CALM2: variants seen among roughly 807,000 people sequenced by gnomAD.
CALM2 encodes calmodulin 2.
In CALM2, 2 loss-of-function variants were observed where a neutral mutation model predicts 19.8. That is an observed-to-expected ratio of 0.10 (90% confidence interval 0.04 to 0.32). The LOEUF (loss-of-function observed/expected upper bound fraction) is 0.32. Ranked by LOEUF, CALM2 falls within the 10% of genes least tolerant of loss-of-function variation. CALM2 has a pLI of 1.00. For missense variants in CALM2, 38 were observed against 178.7 expected (o/e 0.21, Z 4.49); for synonymous variants, 51 against 52.1 (o/e 0.98, Z 0.09).
chr2:47,165,069 T>C (rs1230341378), intron 2 of CALM2, among the ~76,000 whole-genome samples: 1 of 152,194 alleles, frequency 6.6e-6, no homozygotes, highest in Non-Finnish European at 1.5e-5. Flanking sequence ...CTACTACTCA[T>C]ACCAATTTCC....
At chr2:47,171,680 G>A (rs1436664439) in intron 1 of CALM2, 1 of 152,110 alleles carries the variant, frequency 6.6e-6, no homozygotes, top group Non-Finnish European at 1.5e-5. Context: ...ATACATCCAT[G>A]AAGCAACTGC....
intron 1 of CALM2, among the ~76,000 whole-genome samples, chr2:47,175,081 G>GGTTTTTT (rs1553433850): frequency 1.3e-5 from 1 of 77,964 alleles, no homozygotes. Context: ...CTCATTAGGT[G>GGTTTTTT]TTTTTTTTTT....
intron 1 of CALM2, 78 bp from the exon 2 acceptor site, chr2:47,170,842 T>C (rs1666641329): frequency 1.8e-6 from 2 of 1,141,184 alleles, no homozygotes; most frequent in African/African-American, 1.5e-5. Flanking sequence ...TTTAAAACCT[T>C]TCAAGGGTTA....
chr2:47,175,418 C>T (rs1185840003), intron 1 of CALM2, among the ~76,000 whole-genome samples: 1 of 152,188 alleles, frequency 6.6e-6, no homozygotes, highest in Non-Finnish European at 1.5e-5. Flanking sequence ...AGAAGGCAGT[C>T]ACTCCGGAGC....
intron 3 of CALM2, 26 bp downstream of exon 3, chr2:47,162,493 C>T: frequency 6.2e-7 from 1 of 1,613,910 alleles, no homozygotes; most frequent in Non-Finnish European, 8.5e-7. Flanking sequence ...TCAACCCCTC[C>T]CAGCCCCACA....
upstream of CALM2, chr2:47,176,536 C>T (rs573210034): frequency 7.6e-6 from 12 of 1,579,126 alleles, no homozygotes; most frequent in East Asian, 1.7e-4. Flanking sequence ...GCCCCCAGCG[C>T]CTCATAAACA....
intron 4 of CALM2, 115 bp downstream of exon 4, chr2:47,162,171 C>CAAAAAAAAAAAAAAAAAAAAAAAAA (rs56839340): frequency 2.3e-5 from 3 of 130,112 alleles, no homozygotes; most frequent in Non-Finnish European, 3.9e-5. Flanking sequence ...GGTAAATCAT[C>CAAAAAAAAAAAAAAAAAAAAAAAAA]AAAAAAAAAA....
chr2:47,162,722 T>A (rs1361662925), intron 2 of CALM2, 60 bp from the exon 3 acceptor site: 1 of 1,368,296 alleles, frequency 7.3e-7, no homozygotes, highest in Non-Finnish European at 1.0e-6. Flanking sequence ...GTAACCTAAA[T>A]GAAACGTATT....
At chr2:47,176,388 T>G in intron 1 of CALM2, 53 bp downstream of exon 1, 1 of 1,606,434 alleles carries the variant, frequency 6.2e-7, no homozygotes. Context: ...GTCAGTTCGC[T>G]CCAGTCTCTT....
intron 5 of CALM2, among the ~76,000 whole-genome samples, chr2:47,161,089 T>G (rs1687139787): frequency 6.6e-6 from 1 of 152,224 alleles, no homozygotes; most frequent in Non-Finnish European, 1.5e-5. Flanking sequence ...TTAAGTCTGC[T>G]GGATTACAAG....
At chr2:47,164,249 AAAAG>A (rs1204434551) in intron 2 of CALM2, among the ~76,000 whole-genome samples, 11 of 77,872 alleles carry the variant, frequency 1.4e-4, no homozygotes, top group Admixed American at 1.2e-3. Flanking sequence ...AAAAAAAAAA[AAAAG>A]AAGAAAAAGA....
intron 2 of CALM2, among the ~76,000 whole-genome samples, chr2:47,165,227 G>C (rs572943395): frequency 1.6e-4 from 24 of 152,314 alleles, no homozygotes; most frequent in Admixed American, 1.4e-3. Flanking sequence ...ACTAAAATGA[G>C]ACTTTGTAAC....
intron 1 of CALM2, chr2:47,172,706 A>T: frequency 3.6e-6 from 1 of 278,166 alleles, no homozygotes; most frequent in Non-Finnish European, 7.1e-6. Context: ...GCTAAAAAAA[A>T]GTTGAGCTAA....
intron 1 of CALM2, chr2:47,176,191 G>C (rs1275070716): frequency 1.9e-6 from 1 of 518,212 alleles, no homozygotes; most frequent in Non-Finnish European, 3.4e-6. Context: ...AAGCCCCCGA[G>C]GAGCTTCACC....
intron 1 of CALM2, chr2:47,176,088 A>C (rs1024648837): frequency 1.2e-4 from 37 of 309,844 alleles, no homozygotes; most frequent in Middle Eastern, 1.6e-3. Flanking sequence ...CGCCCGACAG[A>C]AGGCTCTCTA....
Position 47,160,147 on chromosome 2 carries a change from C to T in CALM2, c.*629G>A, listed in dbSNP as rs1182628322. The T allele has an allele frequency of 1.3e-5, 2 of 152,514 alleles. No homozygotes were observed. Among genetic ancestry groups the T allele is most frequent in the African/African-American group, 4.8e-5 (2 of 41,402 alleles). The allele number at this position is 152,514 out of a possible 1,614,324, so 9.4% of individuals were successfully genotyped here. ...ATTAGACTTCAACAGTTAAATGACT[C>T]AGATGCAGAGCAACCATTGGGTAAA... On this transcript the variant is annotated 3_prime_UTR_variant, in exon 6 of 6. Transcript: ENST00000272298.
At chr2:47,165,117 G>A (rs1666420772) in intron 2 of CALM2, among the ~76,000 whole-genome samples, 1 of 152,084 alleles carries the variant, frequency 6.6e-6, no homozygotes, top group Admixed American at 6.5e-5. Flanking sequence ...ATGACATCCA[G>A]CTCCAACTCA....
intron 2 of CALM2, among the ~76,000 whole-genome samples, chr2:47,166,438 CTA>C (rs1666474825): frequency 6.6e-6 from 1 of 152,138 alleles, no homozygotes; most frequent in Admixed American, 6.6e-5. Flanking sequence ...TAGTGTAAGA[CTA>C]TGTATAACTT....
chr2:47,173,259 C>T (rs1666734404), intron 1 of CALM2: 1 of 152,138 alleles, frequency 6.6e-6, no homozygotes, highest in Non-Finnish European at 1.5e-5. Flanking sequence ...CAGGGAGTGC[C>T]ATTTTCTTAG....
Sources: allele counts gnomAD v4.1 joint callset (sites outside exome capture counted in the v4.1 genomes callset), GRCh38; gene constraint gnomAD v4.1.1; transcripts MANE v1.5; gene names NCBI Gene and HGNC (gene_info 2026-07-23, HGNC 2026-07-21).